The following AGBL2 variants were observed in gnomAD, a reference collection of about 807,000 sequenced individuals.
AGBL2 encodes cytosolic carboxypeptidase 2.
AGBL2 carries 87 observed loss-of-function variants against 103.0 expected under a neutral mutation model. That is an observed-to-expected ratio of 0.84 (90% CI 0.71 to 1.01). The LOEUF (loss-of-function observed/expected upper bound fraction) is 1.01, where lower values mean the gene tolerates loss of function less well. AGBL2 is among the 50% of genes least tolerant of loss of function. AGBL2 has a pLI of 0.00. For missense variants in AGBL2, 904 were observed against 1,023.5 expected (o/e 0.88, Z 1.59); for synonymous variants, 335 against 356.7 (o/e 0.94, Z 0.69).
At chr11:47,667,160 G>C in intron 16 of AGBL2, 97 bp from the exon 17 acceptor site, 1 of 821,068 alleles carries the variant, frequency 1.2e-6, no homozygotes, top group Non-Finnish European at 1.9e-6. Flanking sequence ...AAGCACGTTT[G>C]TCTTTAGAAA....
At chr11:47,710,050 G>T (rs756734962) in intron 4 of AGBL2, among the ~76,000 whole-genome samples, 1 of 151,988 alleles carries the variant, frequency 6.6e-6, no homozygotes, top group Non-Finnish European at 1.5e-5. Context: ...CACCACACCC[G>T]GCTAATTTTT....
intron 12 of AGBL2, among the ~76,000 whole-genome samples, chr11:47,680,708 C>T (rs1355452210): frequency 2.6e-5 from 4 of 151,338 alleles, no homozygotes; most frequent in Non-Finnish European, 5.9e-5. Flanking sequence ...GGGAGGATCG[C>T]CTGAGCCAGG....
intron 13 of AGBL2, among the ~76,000 whole-genome samples, chr11:47,679,408 A>C (rs886449115): frequency 1.3e-5 from 2 of 151,996 alleles, no homozygotes; most frequent in Non-Finnish European, 2.9e-5. Flanking sequence ...AAAAAAAAGA[A>C]TAGGTGTTGC....
intron 7 of AGBL2, among the ~76,000 whole-genome samples, chr11:47,702,481 A>T (rs2153805061): frequency 6.7e-6 from 1 of 149,716 alleles, no homozygotes; most frequent in Non-Finnish European, 1.5e-5. Flanking sequence ...GGGTCCATGA[A>T]CTCTCCACTT....
intron 3 of AGBL2, chr11:47,710,932 A>C: frequency 2.4e-6 from 1 of 421,460 alleles, no homozygotes; most frequent in Non-Finnish European, 4.6e-6. Context: ...AAAGAAAAAA[A>C]AAATTATGGC....
At chr11:47,694,829 T>G (rs10838748) in intron 8 of AGBL2, among the ~76,000 whole-genome samples, 42,966 of 151,978 alleles carry the variant, frequency 0.28, 6,928 homozygotes, top group Middle Eastern at 0.38. Flanking sequence ...GGCAGGGGAA[T>G]GGGGAATAGT....
At chr11:47,673,305 G>A (rs1385190759) in intron 14 of AGBL2, among the ~76,000 whole-genome samples, 1 of 151,992 alleles carries the variant, frequency 6.6e-6, no homozygotes, top group Non-Finnish European at 1.5e-5. Context: ...TGGGCAACAT[G>A]GTGAAACCCC....
chr11:47,697,551 T>C (rs947777242), intron 8 of AGBL2, among the ~76,000 whole-genome samples: 1 of 137,550 alleles, frequency 7.3e-6, no homozygotes, highest in African/African-American at 2.7e-5. Flanking sequence ...TTTTTTTTTT[T>C]TTTTTTTTTT....
intron 8 of AGBL2, among the ~76,000 whole-genome samples, chr11:47,698,013 C>CA (rs1276840751): frequency 2.6e-5 from 4 of 151,638 alleles, no homozygotes; most frequent in Non-Finnish European, 5.9e-5. Flanking sequence ...AGGCGCCTGC[C>CA]ACCATGACTG....
chr11:47,662,789 C>T (rs184872551), intron 18 of AGBL2, among the ~76,000 whole-genome samples: 62 of 152,216 alleles, frequency 4.1e-4, no homozygotes, highest in African/African-American at 5.8e-4. Context: ...CCACTGTGCC[C>T]GGCCTAAAAC....
At chr11:47,661,627 C>T (rs1434977643) in intron 18 of AGBL2, among the ~76,000 whole-genome samples, 3 of 152,156 alleles carry the variant, frequency 2.0e-5, no homozygotes, top group Admixed American at 1.3e-4. Context: ...GAACCATCTA[C>T]TCTATATCTA....
intron 4 of AGBL2, among the ~76,000 whole-genome samples, chr11:47,708,926 A>G (rs2153805505): frequency 6.6e-6 from 1 of 152,242 alleles, no homozygotes; most frequent in East Asian, 1.9e-4. Flanking sequence ...GTTTGAGACC[A>G]GCCTGGCTAA....
chr11:47,713,133 A>G (rs2097540294), intron 3 of AGBL2, among the ~76,000 whole-genome samples: 3 of 151,562 alleles, frequency 2.0e-5, no homozygotes. Flanking sequence ...TGAGGTCAGG[A>G]GTTCAAGACC....
At chr11:47,671,003 A>C (rs536743646) in intron 14 of AGBL2, among the ~76,000 whole-genome samples, 1 of 152,218 alleles carries the variant, frequency 6.6e-6, no homozygotes, top group Admixed American at 6.6e-5. Context: ...AAAAAAAAAA[A>C]AAGGTTTGGA....
chr11:47,694,449 T>C (rs894468873), intron 8 of AGBL2, among the ~76,000 whole-genome samples: 1 of 152,148 alleles, frequency 6.6e-6, no homozygotes, highest in Non-Finnish European at 1.5e-5. Flanking sequence ...CTCCAGTATA[T>C]GTGGAGGCCC....
In AGBL2 at chr11:47,661,015, C is replaced by A. The variant is rs556096315; in HGVS notation, c.2536-669G>T. Among the ~76,000 whole-genome samples the A allele has an allele frequency of 3.9e-5, 6 of 152,062 alleles. No individual in the cohort carries two copies. The South Asian group carries it at 1.0e-3, about 26-fold the overall frequency. On this transcript the variant is annotated intron_variant, in intron 18 of 18. Transcript: ENST00000525123. ...TCTGACATGTTATAGAAATTAAATA[C>A]CCACATCTCTGTTACACAAGTATCA...
chr11:47,704,574 A>G lies in AGBL2; in HGVS notation c.555T>C (p.Cys185=). The G allele has an allele frequency of 6.2e-7, 1 of 1,613,912 alleles. No individual in the cohort carries two copies. Reference sequence around the variant, plus strand: ...GATGGATGTTTTCCTTGATGACCTCACATTCAATTGGCCATCTTGGAGCCT... The same window carrying G: ...GATGGATGTTTTCCTTGATGACCTCGCATTCAATTGGCCATCTTGGAGCCT... The part of the protein sequence containing the change: ...PLQAPRWPIE[C]EVIKENIHHI... The change falls in exon 7 of 19, where the codon TGT becomes TGC. Residue 185 remains cysteine (C), a synonymous_variant. Transcript: ENST00000525123.
chr11:47,713,448 C>T (rs1199888014), intron 3 of AGBL2, among the ~76,000 whole-genome samples: 1 of 150,422 alleles, frequency 6.6e-6, no homozygotes, highest in East Asian at 2.0e-4. Flanking sequence ...TCTCTTGAAC[C>T]TGGGAGGCAG....
chr11:47,714,265 G>T lies in AGBL2; in HGVS notation c.97+19C>A. The stretch of plus-strand genomic sequence containing the variant: ...CTTGAGTCCAGGAAAGGTGATACTA[G>T]ATAAGAACATGGTATTACCTTTAAA... On this transcript the variant is annotated intron_variant, in intron 3 of 18. Coordinates refer to ENST00000525123, the MANE Select transcript of AGBL2 (RefSeq NM_024783.4). 1 of 1,600,622 alleles carries T rather than the reference G, an allele frequency of 6.2e-7. No individual in the cohort carries two copies. The highest frequency in any genetic ancestry group is 8.6e-7 in the Non-Finnish European group (1 of 1,168,548).
Sources: gnomAD v4.1 joint callset for allele counts (sites outside exome capture counted in the v4.1 genomes callset) on GRCh38, gnomAD v4.1.1 for gene constraint, MANE v1.5 for transcripts, NCBI Gene and HGNC (gene_info 2026-07-23, HGNC 2026-07-21) for gene names.